ZFHX3: variants seen among roughly 807,000 people sequenced by gnomAD.
ZFHX3 encodes zinc finger homeobox 3, also known as zinc finger homeobox protein 3.
Under a neutral mutation model 279.1 loss-of-function variants are expected in ZFHX3, and 42 were observed. That is an observed-to-expected ratio of 0.15 (90% CI 0.12 to 0.19). ZFHX3 has a LOEUF of 0.19. Among genes scored for constraint, ZFHX3 ranks in the 10% least tolerant of loss-of-function variants. The pLI, the probability that ZFHX3 is intolerant of heterozygous loss-of-function variation, is 1.00. For missense variants in ZFHX3, 4,981 were observed against 4,754.0 expected (o/e 1.05, Z -1.40); for synonymous variants, 2,293 against 1,957.8 (o/e 1.17, Z -4.52).
chr16:73,175,343 G>C (rs1000249560), intron 5 of ZFHX3, among the ~76,000 whole-genome samples: 5 of 152,088 alleles, frequency 3.3e-5, no homozygotes, highest in Non-Finnish European at 2.9e-5. Context: ...TTGCACCACT[G>C]CACTCTAGCC....
chr16:73,765,826 G>A (rs1339502146), intron 1 of ZFHX3, among the ~76,000 whole-genome samples: 1 of 152,230 alleles, frequency 6.6e-6, no homozygotes, highest in African/African-American at 2.4e-5. Flanking sequence ...GGATGGAGAT[G>A]TATGTTCTGA....
Position 72,787,722 on chromosome 16 carries a change from G to GCCGCCGCCGCCGCCGCCGCCA in ZFHX3, c.10553_10554insTGGCGGCGGCGGCGGCGGCGG (p.Gly3521_Gly3527dup), listed in dbSNP as rs2035479936. The stretch of plus-strand genomic sequence containing the variant: ...CGCCGCCGCCGCCGCCGCCGCCACC[G>GCCGCCGCCGCCGCCGCCGCCA]CCGCCGCCGCCGCCACTGCCACCGC... On this transcript the variant is annotated inframe_insertion, in exon 10 of 10. Coordinates refer to ENST00000268489, the MANE Select transcript of ZFHX3 (RefSeq NM_006885.4). 8.1e-7 allele frequency: 1 copy of GCCGCCGCCGCCGCCGCCGCCA among 1,228,928 alleles called. No individual in the cohort carries two copies. Among genetic ancestry groups the GCCGCCGCCGCCGCCGCCGCCA allele is most frequent in the African/African-American group, 1.7e-5 (1 of 57,886 alleles). 76.1% of individuals were successfully genotyped at this position (1,228,928 alleles called of 1,614,324 possible).
At chr16:72,909,560 A>G (rs903521932) in intron 3 of ZFHX3, among the ~76,000 whole-genome samples, 9 of 152,174 alleles carry the variant, frequency 5.9e-5, no homozygotes, top group African/African-American at 2.2e-4. Flanking sequence ...GATAAGCAAA[A>G]TAAGTTTCTT....
rs564981605 is a variant in ZFHX3 at position 72,831,094 on chromosome 16, C to T, written c.3449-1235G>A. Reference sequence around the variant, plus strand: ...GAAAACAGCCTCTACCCCAATGCTACTTTTCCATTTTTCTAAATGTCATGC... The same window carrying T: ...GAAAACAGCCTCTACCCCAATGCTATTTTTCCATTTTTCTAAATGTCATGC... On this transcript the variant is annotated intron_variant, in intron 4 of 9. Coordinates refer to ENST00000268489, the MANE Select transcript of ZFHX3 (RefSeq NM_006885.4). 2.0e-5 allele frequency among the ~76,000 whole-genome samples: 3 copies of T among 152,342 alleles called. No individual in the cohort carries two copies. In the South Asian group the frequency reaches 6.2e-4, roughly 32 times the overall value.
In ZFHX3 at chr16:73,070,932, GCGCGCGCACACACACA is replaced by G. The variant is rs1419393945; in HGVS notation, c.-532-11936_-532-11921del. 1.0e-4 allele frequency among the ~76,000 whole-genome samples: 3 copies of G among 29,916 alleles called. No homozygotes were observed. In the South Asian group the frequency reaches 6.6e-3, roughly 66 times the overall value. The allele number at this position is 29,916 out of a possible 152,430, so 19.6% of individuals were successfully genotyped here. Reference sequence around the variant, plus strand: ...GACCGTCTTGCGCGCGCGCGCGCGCGCGCGCGCACACACACACACACACACACACACACACACACAT... The same window carrying G: ...GACCGTCTTGCGCGCGCGCGCGCGCGCACACACACACACACACACACACAT... On this transcript the variant is annotated intron_variant, in intron 8 of 17. Coordinates refer to the ZFHX3 transcript ENST00000641206.
At chr16:73,230,742 A>T (rs779951411) in intron 5 of ZFHX3, among the ~76,000 whole-genome samples, 1 of 152,194 alleles carries the variant, frequency 6.6e-6, no homozygotes, top group African/African-American at 2.4e-5. Context: ...TACTGTGATG[A>T]GTAGGGGCAC....
At chr16:73,554,166 G>A (rs948513442) in intron 2 of ZFHX3, 3 of 152,172 alleles carry the variant, frequency 2.0e-5, no homozygotes, top group African/African-American at 7.2e-5. Flanking sequence ...CGGTGAAATT[G>A]CCATCCAAGA....
At chr16:73,145,688 C>T (rs1052468760) in intron 5 of ZFHX3, among the ~76,000 whole-genome samples, 9 of 152,240 alleles carry the variant, frequency 5.9e-5, no homozygotes, top group African/African-American at 9.6e-5. Flanking sequence ...ATTGCGGTGA[C>T]GCATGGCCAC....
chr16:73,595,226 G>T (rs909198019), intron 2 of ZFHX3, among the ~76,000 whole-genome samples: 5 of 151,952 alleles, frequency 3.3e-5, no homozygotes, highest in Non-Finnish European at 5.9e-5. Flanking sequence ...CTGCTTACCC[G>T]ACTGTCCATC....
At chr16:72,888,468 T>C (rs2038686141) in intron 4 of ZFHX3, among the ~76,000 whole-genome samples, 1 of 152,104 alleles carries the variant, frequency 6.6e-6, no homozygotes, top group East Asian at 1.9e-4. Context: ...TCCAGGAAGC[T>C]GTACAAAGGC....
At chr16:72,843,883 C>T (rs1025385266) in intron 4 of ZFHX3, among the ~76,000 whole-genome samples, 1 of 152,300 alleles carries the variant, frequency 6.6e-6, no homozygotes, top group Non-Finnish European at 1.5e-5. Context: ...CAAAACAAAA[C>T]CAGCCAATCC....
chr16:73,606,180 TAAAAAAAAAAAAAAAAAAAAAA>T (rs35080897), intron 2 of ZFHX3, among the ~76,000 whole-genome samples: 6 of 35,214 alleles, frequency 1.7e-4, no homozygotes, highest in Admixed American at 4.6e-4. Flanking sequence ...AGGCTCCATC[TAAAAAAAAAAAAAAAAAAAAAA>T]AAAAAAAAAA....
Position 73,802,162 on chromosome 16 carries a change from C to A in ZFHX3, c.-1608+89489G>T, listed in dbSNP as rs114928123. Among the ~76,000 whole-genome samples, 512 of 149,994 alleles carry A rather than the reference C, an allele frequency of 3.4e-3. 7 individuals carry two copies. The highest frequency in any genetic ancestry group is 0.012 in the African/African-American group (485 of 40,976). On this transcript the variant is annotated intron_variant, in intron 1 of 17. Transcript: ENST00000641206. ...AATATGTTAGATGCAAAATGTGTGACTTTTTTTTTTAAATAAGTTGATTCT... is the reference window on the plus strand; with the variant it reads ...AATATGTTAGATGCAAAATGTGTGAATTTTTTTTTTAAATAAGTTGATTCT...
At position 72,959,168 on chromosome 16, in the gene ZFHX3, G is replaced by T. The variant is rs750726209; in HGVS notation, c.978C>A (p.Ile326=). ...ILSNKNISAI[I]QGIGKDKEPL... ...GTTCCTTGTCTTTGCCGATCCCTTG[G>T]ATGATAGCGGAGATGTTCTTATTGC... is the stretch of plus-strand genomic sequence containing the variant. The change falls in exon 2 of 10, where the codon ATC becomes ATA. Residue 326 remains isoleucine (I), a synonymous_variant. Transcript: ENST00000268489. 1.2e-5 allele frequency: 19 copies of T among 1,614,240 alleles called. No individual in the cohort carries two copies. Among genetic ancestry groups the T allele is most frequent in the Non-Finnish European group, 1.6e-5 (19 of 1,180,050 alleles).
intron 4 of ZFHX3, among the ~76,000 whole-genome samples, chr16:72,856,628 G>A (rs1221577795): frequency 6.6e-6 from 1 of 152,028 alleles, no homozygotes; most frequent in Non-Finnish European, 1.5e-5. Context: ...AGATTCCTAG[G>A]GGAGACTTCA....
intron 3 of ZFHX3, among the ~76,000 whole-genome samples, chr16:73,438,503 T>C (rs2018033364): frequency 6.6e-6 from 1 of 152,122 alleles, no homozygotes; most frequent in Non-Finnish European, 1.5e-5. Flanking sequence ...GAAATAATCA[T>C]CCAAATGTAT....
intron 1 of ZFHX3, among the ~76,000 whole-genome samples, chr16:73,712,785 G>A (rs187620112): frequency 1.3e-5 from 2 of 152,312 alleles, no homozygotes; most frequent in Non-Finnish European, 2.9e-5. Context: ...CACCGTAAGA[G>A]GGGGGATATA....
chr16:72,906,107 T>C (rs2039163959), intron 3 of ZFHX3, among the ~76,000 whole-genome samples: 1 of 151,922 alleles, frequency 6.6e-6, no homozygotes, highest in African/African-American at 2.4e-5. Context: ...AACCCCCCGA[T>C]AAGATCCCTC....
chr16:72,918,695 C>CTTTTTTTTTTTTTTTTTTTTTATTTT (rs568638106), intron 3 of ZFHX3, among the ~76,000 whole-genome samples: 1 of 130,698 alleles, frequency 7.7e-6, no homozygotes, highest in African/African-American at 2.8e-5. Flanking sequence ...AAAGGTAGTT[C>CTTTTTTTTTTTTTTTTTTTTTATTTT]TTTTTTTTTT....
Sources: gnomAD v4.1 joint callset for allele counts (sites outside exome capture counted in the v4.1 genomes callset) on GRCh38, gnomAD v4.1.1 for gene constraint, MANE v1.5 for transcripts, NCBI Gene and HGNC (gene_info 2026-07-23, HGNC 2026-07-21) for gene names.